C2CD5: variants seen among roughly 807,000 people sequenced by gnomAD.
The protein encoded by C2CD5 is C2 calcium dependent domain containing 5, also known as C2 domain-containing protein 5.
In C2CD5, 109 loss-of-function variants were observed where a neutral mutation model predicts 130.3. The observed-to-expected ratio is 0.84, with a 90% confidence interval of 0.72 to 0.98. The LOEUF (loss-of-function observed/expected upper bound fraction) is 0.98. Among genes scored for constraint, C2CD5 ranks in the 50% least tolerant of loss-of-function variants. The probability of loss-of-function intolerance (pLI) is 0.00; values close to 1 mark genes in which losing one functional copy is unlikely to be tolerated. For missense variants in C2CD5, 996 were observed against 1,261.8 expected, an observed-to-expected ratio of 0.79 and a Z score of 3.19; for synonymous variants, 454 against 429.2, an observed-to-expected ratio of 1.06 and a Z score of -0.71.
At chr12:22,540,010 A>G (rs1211039530) in intron 2 of C2CD5, among the ~76,000 whole-genome samples, 1 of 148,600 alleles carries the variant, frequency 6.7e-6, no homozygotes, top group Non-Finnish European at 1.5e-5. Context: ...AAAAAAAAAA[A>G]GAGAAAAAAA....
chr12:22,504,184 A>G (rs1948167217), intron 10 of C2CD5, among the ~76,000 whole-genome samples: 1 of 152,106 alleles, frequency 6.6e-6, no homozygotes, highest in South Asian at 2.1e-4. Flanking sequence ...TTAAGTAGTG[A>G]CATTTTAAAT....
At position 22,513,321 on chromosome 12, in the gene C2CD5, T is replaced by C. The variant is rs371870029; in HGVS notation, c.1011A>G (p.Gln337=). Residue 337 remains glutamine, a synonymous_variant, in exon 9 of 27, where the codon CAA becomes CAG. Coordinates refer to ENST00000446597, the MANE Select transcript of C2CD5 (RefSeq NM_001286176.2). ...EGGPFKALLR[Q]QTQSALEQRE... ...TCTGTTCCAACGCTGATTGAGTCTG[T>C]TGTCTTAAAAGAGCTTTAAAGGGCC... 9.3e-6 allele frequency: 15 copies of C among 1,611,836 alleles called. No homozygotes were observed. In the African/African-American group the frequency reaches 1.1e-4, roughly 11 times the overall value.
At chr12:22,474,043 C>T (rs1272863465) in intron 16 of C2CD5, among the ~76,000 whole-genome samples, 2 of 152,156 alleles carry the variant, frequency 1.3e-5, no homozygotes, top group Admixed American at 6.6e-5. Context: ...ACTCTTTAAA[C>T]CTCCAATCCC....
Position 22,470,918 on chromosome 12 carries a change from T to C in C2CD5, c.2359-7A>G. ...CGACTGCCGTGACTGTAACCTAGAA[T>C]TATAAAAACAATAATGGTTAGCAAA... On this transcript the variant is annotated splice_region_variant and splice_polypyrimidine_tract_variant and intron_variant, in intron 20 of 26. Transcript: ENST00000446597. 6.3e-7 allele frequency: 1 copy of C among 1,596,642 alleles called. No individual in the cohort carries two copies. The highest frequency in any genetic ancestry group is 8.6e-7 in the Non-Finnish European group (1 of 1,166,606).
In C2CD5 at chr12:22,484,900, A is replaced by C. The variant is rs1591796726; in HGVS notation, c.1359-12T>G. ...AATTTTCTTCAAGCCTATATAAATA[A>C]ATAAAAAAATAAGATATTCTTTAAA... On this transcript the variant is annotated splice_polypyrimidine_tract_variant and intron_variant, in intron 12 of 26. Transcript: ENST00000446597. The C allele has an allele frequency of 7.7e-7, 1 of 1,298,516 alleles. No homozygotes were observed. The highest frequency in any genetic ancestry group is 2.7e-5 in the East Asian group (1 of 36,826). 80.4% of individuals were successfully genotyped at this position (1,298,516 alleles called of 1,614,324 possible). A position where few individuals can be genotyped will look rare whatever the true frequency, so the allele number is the denominator to read the frequency against.
chr12:22,502,954 T>C (rs1351286850), intron 10 of C2CD5: 7 of 574,104 alleles, frequency 1.2e-5, no homozygotes, highest in Admixed American at 3.2e-5. Flanking sequence ...GAAGTAGAAA[T>C]AGAAAGGGGG....
chr12:22,493,544 G>T (rs767901513), intron 10 of C2CD5, among the ~76,000 whole-genome samples: 6 of 151,936 alleles, frequency 3.9e-5, no homozygotes, highest in South Asian at 2.1e-4. Context: ...CCACCTATCT[G>T]TATTTGCTTT....
At chr12:22,462,824 C>T (rs1400920807) in intron 22 of C2CD5, among the ~76,000 whole-genome samples, 1 of 152,174 alleles carries the variant, frequency 6.6e-6, no homozygotes, top group East Asian at 1.9e-4. Flanking sequence ...CAGTGGTTCA[C>T]ACCTGTAATC....
chr12:22,539,927 G>A (rs552596681), intron 2 of C2CD5, among the ~76,000 whole-genome samples: 1 of 147,792 alleles, frequency 6.8e-6, no homozygotes, highest in African/African-American at 2.5e-5. Context: ...GAGAGGCAGA[G>A]TTTACAGTGA....
chr12:22,465,250 A>C (rs570296252), intron 22 of C2CD5, among the ~76,000 whole-genome samples: 1 of 152,256 alleles, frequency 6.6e-6, no homozygotes, highest in East Asian at 1.9e-4. Context: ...GGAAAGCAGG[A>C]AACAAGGTGG....
rs573543198 is a variant in C2CD5 at position 22,535,444 on chromosome 12, G to T, written c.91-100C>A. On this transcript the variant is annotated intron_variant, in intron 2 of 26. Coordinates refer to ENST00000446597, the MANE Select transcript of C2CD5 (RefSeq NM_001286176.2). ...CCAATAGAAGGATAAACCATAAAGGGGACAAAAGACTATTATCCTCTGGGA... is the reference window on the plus strand; with the variant it reads ...CCAATAGAAGGATAAACCATAAAGGTGACAAAAGACTATTATCCTCTGGGA... 6.0e-6 allele frequency: 4 copies of T among 667,046 alleles called. No individual in the cohort carries two copies. The East Asian group carries it at 1.1e-4, about 19-fold the overall frequency. The allele number at this position is 667,046 out of a possible 1,614,324, so 41.3% of individuals were successfully genotyped here. A position where few individuals can be genotyped will look rare whatever the true frequency, so the allele number is the denominator to read the frequency against.
chr12:22,519,602 T>C (rs969896586), intron 7 of C2CD5, among the ~76,000 whole-genome samples: 3 of 152,138 alleles, frequency 2.0e-5, no homozygotes, highest in Non-Finnish European at 2.9e-5. Flanking sequence ...GCACTATTTA[T>C]GGGGAGGGAC....
chr12:22,517,866 C>A, intron 8 of C2CD5, 120 bp downstream of exon 8: 1 of 730,692 alleles, frequency 1.4e-6, no homozygotes, highest in Non-Finnish European at 2.2e-6. Context: ...GGTCAGTATT[C>A]ACATTTTCTT....
chr12:22,527,621 A>G (rs1950846458), intron 4 of C2CD5, 100 bp downstream of exon 4: 1 of 704,666 alleles, frequency 1.4e-6, no homozygotes, highest in Non-Finnish European at 2.2e-6. Context: ...CCTAGCCTAA[A>G]GATACATATT....
At chr12:22,517,836 T>C (rs1162921692) in intron 8 of C2CD5, 150 bp downstream of exon 8, 2 of 547,428 alleles carry the variant, frequency 3.7e-6, no homozygotes, top group Non-Finnish European at 6.3e-6. Context: ...TTTCATATTT[T>C]AATTGCAGTA....
chr12:22,474,303 C>A (rs975708071), intron 16 of C2CD5, among the ~76,000 whole-genome samples: 1 of 151,968 alleles, frequency 6.6e-6, no homozygotes, highest in Admixed American at 6.6e-5. Flanking sequence ...TTCTTAGTAT[C>A]TTTTTATAAA....
In C2CD5 at chr12:22,485,414, T is replaced by C. The variant is rs190660486; in HGVS notation, c.1359-526A>G. ...TGATAGCACAACAAGGTGACTATAA[T>C]TGATAATTTAATTGTACATTTTCAT... On this transcript the variant is annotated intron_variant, in intron 12 of 26. Transcript: ENST00000446597. Among the ~76,000 whole-genome samples the C allele has an allele frequency of 2.8e-3, 429 of 152,140 alleles. 4 individuals carry two copies. Among genetic ancestry groups the C allele is most frequent in the African/African-American group, 0.01 (418 of 41,526 alleles).
intron 13 of C2CD5, 90 bp from the exon 14 acceptor site, chr12:22,482,833 A>G (rs1944921045): frequency 5.6e-6 from 5 of 888,198 alleles, no homozygotes; most frequent in Non-Finnish European, 9.1e-6. Context: ...TGTGCTGAAT[A>G]AAACATTTAC....
At chr12:22,499,186 T>C (rs1947424804) in intron 10 of C2CD5, among the ~76,000 whole-genome samples, 1 of 152,196 alleles carries the variant, frequency 6.6e-6, no homozygotes. Context: ...TATGTAGAAT[T>C]TTAGAACTGT....
Sources: gnomAD v4.1 joint callset for allele counts (sites outside exome capture counted in the v4.1 genomes callset) on GRCh38, gnomAD v4.1.1 for gene constraint, MANE v1.5 for transcripts, NCBI Gene and HGNC (gene_info 2026-07-23, HGNC 2026-07-21) for gene names.